Variants in ABCA13 observed in about 807,000 individuals in gnomAD.
ABCA13 encodes ATP binding cassette subfamily A member 13.
A neutral mutation model predicts 478.7 loss-of-function variants in ABCA13; 476 were observed. The observed-to-expected ratio is 0.99, with a 90% CI of 0.92 to 1.07. ABCA13 has a LOEUF of 1.07. ABCA13 is among the 50% of genes least tolerant of loss of function. ABCA13 has a pLI of 0.00. For missense variants in ABCA13, 6,060 were observed against 5,910.6 expected, an observed-to-expected ratio of 1.03 and a Z score of -0.83; for synonymous variants, 2,252 against 2,158.9, an observed-to-expected ratio of 1.04 and a Z score of -1.20.
chr7:48,559,577 G>A (rs543141299), intron 55 of ABCA13, among the ~76,000 whole-genome samples: 22 of 152,104 alleles, frequency 1.4e-4, no homozygotes, highest in African/African-American at 4.8e-4. Flanking sequence ...TCTTTCCTTT[G>A]CCCTCTGCCC....
intron 43 of ABCA13, among the ~76,000 whole-genome samples, chr7:48,455,985 CT>C (rs1310998535): frequency 1.3e-5 from 2 of 149,384 alleles, no homozygotes; most frequent in Non-Finnish European, 3.0e-5. Flanking sequence ...TCAGGAGAAT[CT>C]GTGCAGAGTC....
chr7:48,188,627 C>G (rs538175175), intron 1 of ABCA13, among the ~76,000 whole-genome samples: 28 of 151,978 alleles, frequency 1.8e-4, no homozygotes, highest in African/African-American at 6.8e-4. Context: ...CCTGCCTCCT[C>G]TAATTTATTT....
intron 3 of ABCA13, among the ~76,000 whole-genome samples, chr7:48,201,962 C>A (rs139858675): frequency 0.2 from 30,730 of 151,496 alleles, 3,343 homozygotes; most frequent in Middle Eastern, 0.26. Flanking sequence ...CAGACCTTCA[C>A]GGTGAGTGTT....
At position 48,274,137 on chromosome 7, in the gene ABCA13, G is replaced by C. The variant is rs1156878761; in HGVS notation, c.4471G>C (p.Ala1491Pro). 3 of 1,607,326 alleles carry C rather than the reference G, an allele frequency of 1.9e-6. No individual in the cohort carries two copies. The highest frequency in any genetic ancestry group is 2.7e-5 in the African/African-American group (2 of 74,690). Residue 1491 changes from alanine to proline, a missense_variant, in exon 17 of 62, where the codon GCT becomes CCT. Physicochemically the swap from Ala to Pro is conservative, Grantham distance 27 (BLOSUM62 -1). This residue lies in a region of ABCA13 where 4,423 missense variants were observed against 4,309.1 expected (regional missense o/e 1.03). Transcript: ENST00000435803. ...GAAACCTAAATTTGAGATTTTATTAGCTCTTTTAAATGATTCCACAAAGCA... is the reference window on the plus strand; with the variant it reads ...GAAACCTAAATTTGAGATTTTATTACCTCTTTTAAATGATTCCACAAAGCA... ...EKKPKFEILL[A>P]LLNDSTKQVR...
chr7:48,517,057 G>A (rs928874224), intron 52 of ABCA13, among the ~76,000 whole-genome samples, 176 bp downstream of exon 52: 15 of 152,134 alleles, frequency 9.9e-5, no homozygotes, highest in Middle Eastern at 3.2e-3. Context: ...ACACATTGCC[G>A]TTATAAAAGC....
At chr7:48,199,245 G>T (rs1185956668) in intron 3 of ABCA13, among the ~76,000 whole-genome samples, 6 of 152,062 alleles carry the variant, frequency 3.9e-5, no homozygotes, top group Non-Finnish European at 5.9e-5. Context: ...ATTTATAAAT[G>T]GTGTTGTTTT....
In ABCA13 at chr7:48,352,283, G is replaced by T. The variant is rs372937831; in HGVS notation, c.10484G>T (p.Ser3495Ile). 9.3e-6 allele frequency: 15 copies of T among 1,613,732 alleles called. No homozygotes were observed. The highest frequency in any genetic ancestry group is 1.2e-5 in the Non-Finnish European group (14 of 1,179,894). ...SYTIRTNVLY[S>I]VRTDVVKNPS... ...ACAATCCGGACCAATGTGTTATACA[G>T]CGTGCGAACAGATGTGGTAAAAAAC... Residue 3495 changes from serine to isoleucine, a missense_variant, in exon 31 of 62, where the codon AGC becomes ATC. Around this residue, in one of 3 missense-constraint regions of ABCA13, gnomAD observed 4,423 missense variants for 4,309.1 expected, o/e 1.03. Transcript: ENST00000435803.
chr7:48,267,410 A>G (rs577792265), intron 15 of ABCA13, among the ~76,000 whole-genome samples: 134 of 152,228 alleles, frequency 8.8e-4, no homozygotes, highest in South Asian at 8.3e-3. Flanking sequence ...TGAAATGATA[A>G]TTATGTTATC....
chr7:48,243,919 T>A (rs1313617243), intron 10 of ABCA13, among the ~76,000 whole-genome samples: 2 of 152,274 alleles, frequency 1.3e-5, no homozygotes, highest in East Asian at 3.8e-4. Flanking sequence ...TCACCTGCTC[T>A]GGGCAGTTCT....
intron 27 of ABCA13, among the ~76,000 whole-genome samples, chr7:48,327,299 T>A (rs1804483868): frequency 6.6e-6 from 1 of 152,062 alleles, no homozygotes; most frequent in South Asian, 2.1e-4. Context: ...TATAAAACCA[T>A]CAGATTTCGT....
intron 59 of ABCA13, among the ~76,000 whole-genome samples, chr7:48,636,108 A>G (rs917327220): frequency 2.6e-5 from 4 of 152,232 alleles, no homozygotes; most frequent in African/African-American, 9.6e-5. Context: ...TAACATCCAT[A>G]TTGACTTTTT....
At chr7:48,627,358 C>G (rs1034696128) in intron 59 of ABCA13, among the ~76,000 whole-genome samples, 1 of 152,116 alleles carries the variant, frequency 6.6e-6, no homozygotes, top group Non-Finnish European at 1.5e-5. Context: ...TGGGCACCTG[C>G]GTGATGAAAC....
chr7:48,617,623 G>T (rs997415197), intron 59 of ABCA13, among the ~76,000 whole-genome samples: 2 of 152,140 alleles, frequency 1.3e-5, no homozygotes, highest in East Asian at 3.9e-4. Flanking sequence ...GGAGGGGCAG[G>T]TGCAACAAGA....
intron 41 of ABCA13, among the ~76,000 whole-genome samples, chr7:48,424,937 C>A (rs1453352619): frequency 6.6e-6 from 1 of 152,222 alleles, no homozygotes; most frequent in Non-Finnish European, 1.5e-5. Context: ...GCCTCCCGGA[C>A]AGCCTGCCTG....
intron 15 of ABCA13, among the ~76,000 whole-genome samples, chr7:48,259,130 G>A (rs961337950): frequency 6.6e-6 from 1 of 152,038 alleles, no homozygotes; most frequent in African/African-American, 2.4e-5. Flanking sequence ...GGCCCATTTT[G>A]TCAAGTGTCA....
intron 24 of ABCA13, 81 bp downstream of exon 24, chr7:48,310,222 G>A (rs1021073640): frequency 1.4e-6 from 2 of 1,466,394 alleles, no homozygotes. Flanking sequence ...TAGTCCTAGG[G>A]GTGCGGCAGT....
intron 43 of ABCA13, among the ~76,000 whole-genome samples, chr7:48,458,861 C>T (rs576696491): frequency 5.9e-5 from 9 of 152,140 alleles, no homozygotes; most frequent in Non-Finnish European, 1.3e-4. Flanking sequence ...GGAGTGAACG[C>T]ATGACATCCA....
rs1832755592 is a variant in ABCA13, at chr7:48,524,425, C to T, written c.14229C>T (p.Gly4743=). 1 of 1,606,778 alleles carries T rather than the reference C, an allele frequency of 6.2e-7. No homozygotes were observed. Among genetic ancestry groups the T allele is most frequent in the African/African-American group, 1.3e-5 (1 of 74,414 alleles). The change falls in exon 54 of 62, where the codon GGC becomes GGT. Residue 4743 remains glycine, a synonymous_variant. Transcript: ENST00000435803. Reference sequence around the variant, plus strand: ...TTGCTGTGCAAGATATTAGTTTGGGCATACCAAAAGGAGAGGTAATGAAGC... The same window carrying T: ...TTGCTGTGCAAGATATTAGTTTGGGTATACCAAAAGGAGAGGTAATGAAGC... ...NIIAVQDISL[G]IPKGECFGLL... is the part of the protein sequence containing the mutation.
intron 58 of ABCA13, among the ~76,000 whole-genome samples, chr7:48,613,339 C>T (rs539391494): frequency 6.6e-6 from 1 of 152,154 alleles, no homozygotes; most frequent in East Asian, 1.9e-4. Context: ...CAGGTGCCCC[C>T]CACCACACCT....
Sources: gnomAD v4.1 joint callset for allele counts (sites outside exome capture counted in the v4.1 genomes callset) on GRCh38, gnomAD v4.1.1 for gene constraint, gnomAD v4.1.1 regional missense constraint, MANE v1.5 for transcripts, NCBI Gene and HGNC (gene_info 2026-07-23, HGNC 2026-07-21) for gene names.